Variants in DRC3 observed in about 807,000 individuals in gnomAD.
DRC3 encodes the protein leucine rich repeat containing 48.
A neutral mutation model predicts 57.6 loss-of-function variants in DRC3; 45 were observed. That is an observed-to-expected ratio of 0.78 (90% confidence interval 0.62 to 1.00). The LOEUF is 1.00. Among genes scored for constraint, DRC3 ranks in the 50% least tolerant of loss-of-function variants. The probability of loss-of-function intolerance (pLI) is 0.00; values close to 1 mark genes in which losing one functional copy is unlikely to be tolerated. For missense variants in DRC3, 655 were observed against 675.2 expected, an observed-to-expected ratio of 0.97 and a Z score of 0.33; for synonymous variants, 257 against 272.3, an observed-to-expected ratio of 0.94 and a Z score of 0.55.
At chr17:18,003,809 AT>A (rs200063548) in intron 9 of DRC3, among the ~76,000 whole-genome samples, 60,717 of 138,860 alleles carry the variant, frequency 0.44, 14,133 homozygotes, top group East Asian at 0.88. Context: ...TGCCTGGCTA[AT>A]TTTTTTTTTT....
Position 17,977,685 on chromosome 17 carries a change from G to A in DRC3, c.87G>A (p.Glu29=), listed in dbSNP as rs368183021. The change falls in exon 3 of 14, where the codon GAG becomes GAA. Residue 29 remains glutamate (E), a synonymous_variant. Transcript: ENST00000399187. The part of the protein sequence containing the change: ...KLAVGDQGPQ[E]EAGQLAKQEG... ...CCGTCGGGGACCAGGGCCCCCAGGAGGAGGCCGGGCAGCTGGCCAAGCAGG... is the reference window on the plus strand; with the variant it reads ...CCGTCGGGGACCAGGGCCCCCAGGAAGAGGCCGGGCAGCTGGCCAAGCAGG... 31 of 1,613,936 alleles carry A rather than the reference G, an allele frequency of 1.9e-5. No individual in the cohort carries two copies. The African/African-American group carries it at 4.1e-4, about 22-fold the overall frequency.
intron 5 of DRC3, among the ~76,000 whole-genome samples, chr17:17,990,940 G>A (rs1490918758): frequency 7.2e-5 from 11 of 152,126 alleles, no homozygotes; most frequent in African/African-American, 2.7e-4. Context: ...GCAGTGAGCC[G>A]AGATCGCGCC....
intron 9 of DRC3, among the ~76,000 whole-genome samples, chr17:18,003,483 TTAAAAAAAAA>T (rs1368527463): frequency 1.6e-5 from 1 of 64,062 alleles, no homozygotes; most frequent in Non-Finnish European, 2.8e-5. Flanking sequence ...GACTACGTCT[TTAAAAAAAAA>T]AAAAAAAAAA....
Position 17,977,331 on chromosome 17 carries a change from G to A in DRC3, c.-17-251G>A, listed in dbSNP as rs1039189983. ...TGGACACCAGTCCAGTGGGTCCAGC[G>A]AGGGTCCCAGCTGTGGCTGTAGGGT... On this transcript the variant is annotated intron_variant, in intron 2 of 13. Transcript: ENST00000399187. 18 of 474,008 alleles carry A rather than the reference G, an allele frequency of 3.8e-5. No homozygotes were observed. The Admixed American group carries it at 6.4e-4, about 17-fold the overall frequency. 29.4% of individuals were successfully genotyped at this position (474,008 alleles called of 1,614,324 possible).
At chr17:17,993,932 G>GTAGTT in intron 6 of DRC3, 1 of 253,666 alleles carries the variant, frequency 3.9e-6, no homozygotes, top group South Asian at 4.4e-5. Context: ...CAGAAGGCCT[G>GTAGTT]CTGAGGGCTG....
At chr17:17,976,261 G>T (rs780247584) in intron 2 of DRC3, among the ~76,000 whole-genome samples, 12 of 152,318 alleles carry the variant, frequency 7.9e-5, no homozygotes, top group Non-Finnish European at 1.3e-4. Context: ...GGGTTGATAA[G>T]GATGAGAATG....
At chr17:17,977,844 CA>C (rs1210008374) in intron 3 of DRC3, 86 bp downstream of exon 3, 9 of 1,414,154 alleles carry the variant, frequency 6.4e-6, no homozygotes, top group Non-Finnish European at 6.6e-6. Flanking sequence ...GGATTCCATG[CA>C]AAGTCCACGG....
rs553922872 is a variant in DRC3 at position 18,008,208 on chromosome 17, C to T, written c.1326+1061C>T. ...GGCAGACACGCTCTTCCTAGGTCCCCATGTGCCTGGCTTGTCCTTGTCATT... is the reference window on the plus strand; with the variant it reads ...GGCAGACACGCTCTTCCTAGGTCCCTATGTGCCTGGCTTGTCCTTGTCATT... On this transcript the variant is annotated intron_variant, in intron 12 of 13. Coordinates refer to ENST00000399187, the MANE Select transcript of DRC3 (RefSeq NM_031294.4). This position sits in a 1 kb window ranked among gnomAD's most constrained non-coding sequence, Gnocchi z 4.3. 4.1e-4 allele frequency among the ~76,000 whole-genome samples: 62 copies of T among 152,336 alleles called. No homozygotes were observed. Among genetic ancestry groups the T allele is most frequent in the African/African-American group, 1.4e-3 (60 of 41,578 alleles).
At chr17:18,001,302 G>A (rs1391971128) in intron 9 of DRC3, among the ~76,000 whole-genome samples, 2 of 152,050 alleles carry the variant, frequency 1.3e-5, no homozygotes, top group Non-Finnish European at 2.9e-5. Context: ...TCAGGAGTTC[G>A]AGAGCAGCCT....
At chr17:18,014,831 C>G (rs1407052619) in intron 12 of DRC3, among the ~76,000 whole-genome samples, 1 of 152,206 alleles carries the variant, frequency 6.6e-6, no homozygotes, top group Admixed American at 6.5e-5. Context: ...CACCTTTGAA[C>G]CATTCCCAGA....
At chr17:17,980,635 G>T (rs1299964829) in intron 3 of DRC3, among the ~76,000 whole-genome samples, 2 of 134,682 alleles carry the variant, frequency 1.5e-5, no homozygotes, top group African/African-American at 2.9e-5. Context: ...TCACTCTGTC[G>T]CCAGGCTAGA....
At chr17:17,975,242 G>A (rs534419487) in intron 2 of DRC3, among the ~76,000 whole-genome samples, 5 of 141,470 alleles carry the variant, frequency 3.5e-5, no homozygotes, top group South Asian at 2.2e-4. Context: ...ATGGAGTCTC[G>A]CTCTATCACC....
Position 18,008,551 on chromosome 17 carries a change from C to A in DRC3, c.1326+1404C>A, listed in dbSNP as rs1342655702. On this transcript the variant is annotated intron_variant, in intron 12 of 13. Coordinates refer to ENST00000399187, the MANE Select transcript of DRC3 (RefSeq NM_031294.4). This position sits in a 1 kb window ranked among gnomAD's most constrained non-coding sequence, Gnocchi z 4.3. ...AGCGTATGCTCACCAAGCCTCCACT[C>A]TGCCAGATATGGGGCTAAGTCTTGC... is the stretch of plus-strand genomic sequence containing the variant. Among the ~76,000 whole-genome samples the A allele has an allele frequency of 1.3e-5, 2 of 152,242 alleles. No individual in the cohort carries two copies. The highest frequency in any genetic ancestry group is 4.8e-5 in the African/African-American group (2 of 41,470).
At chr17:17,994,763 C>A (rs961816540) in intron 7 of DRC3, among the ~76,000 whole-genome samples, 4 of 152,234 alleles carry the variant, frequency 2.6e-5, no homozygotes, top group Admixed American at 6.5e-5. Flanking sequence ...GCCCTGAATT[C>A]ATGACTGGAC....
intron 12 of DRC3, among the ~76,000 whole-genome samples, chr17:18,014,002 G>C (rs2044264245): frequency 1.3e-5 from 2 of 149,180 alleles, no homozygotes; most frequent in Admixed American, 1.3e-4. Context: ...GTGCAATCTT[G>C]GCTCACTGCA....
At chr17:17,973,074 G>T (rs932728352) in intron 1 of DRC3, 100 bp downstream of exon 1, 1 of 151,462 alleles carries the variant, frequency 6.6e-6, no homozygotes, top group Non-Finnish European at 1.5e-5. Context: ...CGCCGGCCCG[G>T]CCCTTCTCAT....
intron 8 of DRC3, chr17:17,995,464 C>T (rs769801869): frequency 1.1e-4 from 23 of 215,508 alleles, no homozygotes; most frequent in South Asian, 4.9e-4. Context: ...TTATTGTTTT[C>T]TCAACCACCC....
rs770986955 is a variant in DRC3 at position 18,007,101 on chromosome 17, T to C, written c.1280T>C (p.Ile427Thr). 51 of 1,175,140 alleles carry C rather than the reference T, an allele frequency of 4.3e-5. No individual in the cohort carries two copies. The East Asian group carries it at 5.1e-4, about 12-fold the overall frequency. 72.8% of individuals were successfully genotyped at this position (1,175,140 alleles called of 1,614,324 possible). Reference sequence around the variant, plus strand: ...ATCTCTATCAGCACCCTGGAGAAGATTGTCGAGGGCGACCTGGACGAGGAC... The same window carrying C: ...ATCTCTATCAGCACCCTGGAGAAGACTGTCGAGGGCGACCTGGACGAGGAC... ...LEISISTLEK[I>T]VEGDLDEDLP... The change falls in exon 12 of 14, where the codon ATT becomes ACT. Residue 427 changes from isoleucine (I) to threonine (T), a missense_variant. Transcript: ENST00000399187.
chr17:17,996,448 C>G (rs1168617435), intron 8 of DRC3, among the ~76,000 whole-genome samples: 1 of 152,208 alleles, frequency 6.6e-6, no homozygotes, highest in African/African-American at 2.4e-5. Context: ...CAGGGAAACT[C>G]CCATATTTAA....
Sources: gnomAD v4.1 joint callset for allele counts (sites outside exome capture counted in the v4.1 genomes callset) on GRCh38, gnomAD v4.1.1 for gene constraint, Gnocchi (gnomAD v3.1) non-coding constraint, MANE v1.5 for transcripts, NCBI Gene and HGNC (gene_info 2026-07-23, HGNC 2026-07-21) for gene names.